The following ME1 variants were observed in gnomAD, a reference collection of about 807,000 sequenced individuals.
The protein encoded by ME1 is malic enzyme 1.
Under a neutral mutation model 66.4 loss-of-function variants are expected in ME1, and 74 were observed. The observed-to-expected ratio is 1.11, with a 90% CI of 0.92 to 1.35. The LOEUF (loss-of-function observed/expected upper bound fraction) is 1.35. Among genes scored for constraint, ME1 ranks in the 40% most tolerant of loss-of-function variants. ME1 has a pLI of 0.00. For synonymous variants in ME1, 251 were observed against 235.6 expected (o/e 1.07, Z -0.60); for missense variants, 750 against 694.1 (o/e 1.08, Z -0.90).
At chr6:83,231,528 T>C (rs561523242) in intron 9 of ME1, among the ~76,000 whole-genome samples, 1 of 152,334 alleles carries the variant, frequency 6.6e-6, no homozygotes, top group South Asian at 2.1e-4. Context: ...ATTGACTTGA[T>C]GACCTAGTTT....
At chr6:83,389,927 G>C (rs1202255961) in intron 3 of ME1, among the ~76,000 whole-genome samples, 2 of 151,990 alleles carry the variant, frequency 1.3e-5, no homozygotes, top group African/African-American at 4.8e-5. Context: ...ATGGGAATAA[G>C]ACAATCCAAG....
chr6:83,409,256 T>G (rs1416325844), intron 1 of ME1, among the ~76,000 whole-genome samples: 8 of 152,178 alleles, frequency 5.3e-5, no homozygotes, highest in Non-Finnish European at 1.2e-4. Flanking sequence ...GGGACTAAGA[T>G]AGTTAGTTTT....
intron 1 of ME1, among the ~76,000 whole-genome samples, chr6:83,411,971 T>G (rs1327390199): frequency 6.6e-6 from 1 of 152,208 alleles, no homozygotes; most frequent in Non-Finnish European, 1.5e-5. Flanking sequence ...ACTGTGCTAA[T>G]TAACCTATGT....
intron 6 of ME1, among the ~76,000 whole-genome samples, chr6:83,276,174 G>A (rs1037097575): frequency 6.6e-6 from 1 of 152,110 alleles, no homozygotes. Context: ...ACAAATTCAC[G>A]ATGCAGTTGG....
intron 3 of ME1, among the ~76,000 whole-genome samples, chr6:83,361,094 T>C (rs1768999606): frequency 6.6e-6 from 1 of 152,234 alleles, no homozygotes; most frequent in Non-Finnish European, 1.5e-5. Context: ...GATATGACAC[T>C]GGTCCATTAC....
chr6:83,244,795 TA>T (rs1236337252), intron 7 of ME1, among the ~76,000 whole-genome samples: 1 of 152,026 alleles, frequency 6.6e-6, no homozygotes, highest in East Asian at 1.9e-4. Context: ...CATGAACATT[TA>T]AGGAACAGAG....
At chr6:83,343,205 T>C (rs1012636614) in intron 5 of ME1, among the ~76,000 whole-genome samples, 1 of 152,178 alleles carries the variant, frequency 6.6e-6, no homozygotes, top group Non-Finnish European at 1.5e-5. Flanking sequence ...CTTTGGCAAC[T>C]ATCATTCTAC....
chr6:83,285,862 G>A (rs1767387456), intron 6 of ME1, among the ~76,000 whole-genome samples: 1 of 152,134 alleles, frequency 6.6e-6, no homozygotes, highest in South Asian at 2.1e-4. Context: ...AGGAAAAGAG[G>A]CGAATGCATA....
chr6:83,213,544 T>C (rs890834876), intron 13 of ME1, among the ~76,000 whole-genome samples: 8 of 152,176 alleles, frequency 5.3e-5, no homozygotes, highest in Non-Finnish European at 8.8e-5. Flanking sequence ...TCTGTACTTT[T>C]TTAGAAGAGA....
chr6:83,376,234 G>A (rs1304916087), intron 3 of ME1, among the ~76,000 whole-genome samples: 4 of 152,182 alleles, frequency 2.6e-5, no homozygotes, highest in South Asian at 4.1e-4. Context: ...GGCTGAGCAC[G>A]ATGGCTCATG....
intron 6 of ME1, among the ~76,000 whole-genome samples, chr6:83,285,879 A>G (rs897137886): frequency 6.6e-6 from 1 of 152,248 alleles, no homozygotes; most frequent in Non-Finnish European, 1.5e-5. Context: ...CATAATTTTC[A>G]ACTGAATAAC....
intron 6 of ME1, among the ~76,000 whole-genome samples, chr6:83,266,382 T>G (rs1766989843): frequency 6.6e-6 from 1 of 152,184 alleles, no homozygotes; most frequent in South Asian, 2.1e-4. Context: ...AGTACAAATC[T>G]AGCTTCTCTG....
chr6:83,221,255 T>C (rs1397603897), intron 12 of ME1, among the ~76,000 whole-genome samples: 1 of 152,072 alleles, frequency 6.6e-6, no homozygotes, highest in African/African-American at 2.4e-5. Flanking sequence ...GAAATAAAAT[T>C]AAATGTCAAA....
chr6:83,332,109 T>C (rs968436102), intron 5 of ME1, among the ~76,000 whole-genome samples: 3 of 152,132 alleles, frequency 2.0e-5, no homozygotes, highest in African/African-American at 7.2e-5. Context: ...AAATATGGAC[T>C]GTGAAATAAC....
intron 7 of ME1, among the ~76,000 whole-genome samples, chr6:83,247,703 A>C (rs1309559271): frequency 6.6e-6 from 1 of 152,154 alleles, no homozygotes; most frequent in Non-Finnish European, 1.5e-5. Flanking sequence ...TAAGGTTAAA[A>C]AGGTAAAAAA....
At chr6:83,376,525 G>T (rs1209912171) in intron 3 of ME1, among the ~76,000 whole-genome samples, 9 of 151,172 alleles carry the variant, frequency 6.0e-5, no homozygotes, top group Non-Finnish European at 1.5e-5. Flanking sequence ...AAGAGGCCGG[G>T]TGCAGTAGCT....
At chr6:83,295,656 C>G (rs1317852918) in intron 6 of ME1, among the ~76,000 whole-genome samples, 2 of 151,732 alleles carry the variant, frequency 1.3e-5, no homozygotes, top group African/African-American at 4.8e-5. Flanking sequence ...TAGCAGAAGA[C>G]AAGAAATAAC....
chr6:83,266,570 C>T (rs1398453303), intron 6 of ME1, among the ~76,000 whole-genome samples: 1 of 152,114 alleles, frequency 6.6e-6, no homozygotes, highest in Non-Finnish European at 1.5e-5. Flanking sequence ...TAACACTAAT[C>T]AAAATTAAAT....
chr6:83,423,469 C>T (rs925550469), intron 1 of ME1, among the ~76,000 whole-genome samples: 2 of 151,846 alleles, frequency 1.3e-5, no homozygotes, highest in African/African-American at 4.8e-5. Flanking sequence ...TTATCCTTTC[C>T]CTCTTAAACT....
Sources: allele counts gnomAD v4.1 joint callset (sites outside exome capture counted in the v4.1 genomes callset), GRCh38; gene constraint gnomAD v4.1.1; transcripts MANE v1.5; gene names NCBI Gene and HGNC (gene_info 2026-07-23, HGNC 2026-07-21).